The following SLC6A15 variants were observed in gnomAD, a reference collection of about 807,000 sequenced individuals.
The protein encoded by SLC6A15 is sodium-dependent neutral amino acid transporter B(0)AT2.
Under a neutral mutation model 68.5 loss-of-function variants are expected in SLC6A15, and 33 were observed. The ratio of observed to expected loss-of-function variants is 0.48; its 90% CI spans 0.37 to 0.64. The LOEUF is 0.64. Among genes scored for constraint, SLC6A15 ranks in the 30% least tolerant of loss-of-function variants. The pLI, the probability that SLC6A15 is intolerant of heterozygous loss-of-function variation, is 0.00. For missense variants in SLC6A15, 747 were observed against 874.3 expected (o/e 0.85, Z 1.84); for synonymous variants, 347 against 301.0 (o/e 1.15, Z -1.58).
intron 1 of SLC6A15, among the ~76,000 whole-genome samples, chr12:84,894,613 A>G (rs754236536): frequency 6.6e-6 from 1 of 152,272 alleles, no homozygotes; most frequent in Admixed American, 6.5e-5. Context: ...GGAAAATACT[A>G]TATCTCTTCT....
intron 8 of SLC6A15, among the ~76,000 whole-genome samples, chr12:84,871,330 G>A (rs886770138): frequency 6.7e-6 from 1 of 150,358 alleles, no homozygotes; most frequent in African/African-American, 2.4e-5. Flanking sequence ...AAAAAAGTTG[G>A]GCTGATATAC....
At chr12:84,884,146 G>C in intron 4 of SLC6A15, 106 bp from the exon 5 acceptor site, 2 of 870,476 alleles carry the variant, frequency 2.3e-6, no homozygotes, top group Non-Finnish European at 3.6e-6. Context: ...TCCTAGAAAA[G>C]TACTACCATT....
intron 1 of SLC6A15, among the ~76,000 whole-genome samples, chr12:84,897,862 G>C (rs1233064772): frequency 6.6e-6 from 1 of 152,136 alleles, no homozygotes; most frequent in Non-Finnish European, 1.5e-5. Flanking sequence ...GAGGAGCCAT[G>C]TTGAAGAATA....
intron 2 of SLC6A15, among the ~76,000 whole-genome samples, chr12:84,890,176 T>A (rs1872322767): frequency 6.6e-6 from 1 of 152,214 alleles, no homozygotes; most frequent in South Asian, 2.1e-4. Context: ...TGCTTTCTAG[T>A]ATTTCCATTT....
intron 1 of SLC6A15, among the ~76,000 whole-genome samples, chr12:84,895,911 A>C (rs1001947028): frequency 2.6e-5 from 4 of 152,182 alleles, no homozygotes; most frequent in African/African-American, 7.2e-5. Context: ...ATAGACAAAA[A>C]AGAAAATCAA....
At chr12:84,865,814 T>C (rs1460259604) in intron 10 of SLC6A15, among the ~76,000 whole-genome samples, 1 of 152,206 alleles carries the variant, frequency 6.6e-6, no homozygotes, top group Non-Finnish European at 1.5e-5. Context: ...TCTGGATGTA[T>C]GACAATTTAT....
intron 6 of SLC6A15, among the ~76,000 whole-genome samples, chr12:84,875,235 G>T (rs1229321743): frequency 6.6e-6 from 1 of 151,744 alleles, no homozygotes; most frequent in African/African-American, 2.4e-5. Flanking sequence ...TGGTCATTAA[G>T]TGTGGCCCAT....
chr12:84,889,070 A>C (rs1417268716), intron 2 of SLC6A15, among the ~76,000 whole-genome samples: 1 of 152,194 alleles, frequency 6.6e-6, no homozygotes, highest in Non-Finnish European at 1.5e-5. Context: ...TGCCACTCAG[A>C]GAGGCCAAGA....
At chr12:84,882,567 A>G in intron 5 of SLC6A15, 1 of 646,492 alleles carries the variant, frequency 1.5e-6, no homozygotes, top group Non-Finnish European at 1.9e-6. Flanking sequence ...CTGCCCTAAA[A>G]GAGTTGACTA....
At position 84,861,464 on chromosome 12, in the gene SLC6A15, T is replaced by A. The variant is rs112756234; in HGVS notation, c.*168A>T. The stretch of plus-strand genomic sequence containing the variant: ...TTCTGCACAAATGTAAACCAAAGAA[T>A]CCAAAAGAATGCTCAAGTTGAACTG... On this transcript the variant is annotated 3_prime_UTR_variant, in exon 12 of 12. Transcript: ENST00000266682. The A allele has an allele frequency of 1.4e-6, 1 of 693,962 alleles. No homozygotes were observed. The highest frequency in any genetic ancestry group is 2.7e-5 in the Admixed American group (1 of 36,836). 43.0% of individuals were successfully genotyped at this position (693,962 alleles called of 1,614,324 possible).
At chr12:84,862,673 T>G (rs1469615045) in intron 11 of SLC6A15, among the ~76,000 whole-genome samples, 1 of 152,218 alleles carries the variant, frequency 6.6e-6, no homozygotes, top group Non-Finnish European at 1.5e-5. Flanking sequence ...TTATTGCTAA[T>G]ATAAAAATTA....
intron 9 of SLC6A15, 54 bp from the exon 10 acceptor site, chr12:84,867,247 T>C (rs1212972760): frequency 2.9e-6 from 4 of 1,360,526 alleles, no homozygotes; most frequent in Middle Eastern, 4.2e-4. Context: ...ACAAGGCCTT[T>C]AAACTTTATT....
intron 8 of SLC6A15, among the ~76,000 whole-genome samples, chr12:84,871,894 T>C (rs1245424866): frequency 6.6e-6 from 1 of 152,188 alleles, no homozygotes; most frequent in South Asian, 2.1e-4. Context: ...GGCTGAGGCC[T>C]GTAATCACAG....
intron 1 of SLC6A15, among the ~76,000 whole-genome samples, chr12:84,902,657 T>G (rs1057258679): frequency 2.0e-5 from 3 of 151,984 alleles, no homozygotes; most frequent in Non-Finnish European, 4.4e-5. Flanking sequence ...GAACCACTAC[T>G]CAGCAGTAAA....
At chr12:84,908,152 T>G (rs984386614) in intron 1 of SLC6A15, among the ~76,000 whole-genome samples, 4 of 152,128 alleles carry the variant, frequency 2.6e-5, no homozygotes, top group African/African-American at 9.7e-5. Context: ...GAAGGTTTAA[T>G]ATAGTTATTA....
intron 1 of SLC6A15, among the ~76,000 whole-genome samples, chr12:84,898,368 T>G (rs1429850295): frequency 6.6e-6 from 1 of 152,016 alleles, no homozygotes; most frequent in Non-Finnish European, 1.5e-5. Flanking sequence ...AAAAAACAAC[T>G]TATTATATAA....
At chr12:84,902,483 C>G (rs1872929713) in intron 1 of SLC6A15, among the ~76,000 whole-genome samples, 1 of 151,596 alleles carries the variant, frequency 6.6e-6, no homozygotes, top group Admixed American at 6.6e-5. Context: ...CTCATAGTAA[C>G]CAGCAACTAT....
At position 84,876,640 on chromosome 12, in the gene SLC6A15, T is replaced by C. The variant is rs769389719; in HGVS notation, c.757-33A>G. The C allele has an allele frequency of 1.3e-5, 13 of 1,022,540 alleles. No homozygotes were observed. The East Asian group carries it at 3.3e-4, about 26-fold the overall frequency. 63.3% of individuals were successfully genotyped at this position (1,022,540 alleles called of 1,614,324 possible). On this transcript the variant is annotated intron_variant, in intron 5 of 11. Coordinates refer to ENST00000266682, the MANE Select transcript of SLC6A15 (RefSeq NM_182767.6). ...GAAATAAAAATAAAAATAAGTGAGA[T>C]ACAATGACCATTTTTTTATAGATAA...
intron 1 of SLC6A15, among the ~76,000 whole-genome samples, chr12:84,896,116 TAGAC>T (rs1345907805): frequency 2.0e-5 from 3 of 152,124 alleles, no homozygotes; most frequent in Non-Finnish European, 4.4e-5. Context: ...ATTCTTGTGA[TAGAC>T]AATCAACTAA....
Sources: gnomAD v4.1 joint callset for allele counts (sites outside exome capture counted in the v4.1 genomes callset) on GRCh38, gnomAD v4.1.1 for gene constraint, MANE v1.5 for transcripts, NCBI Gene and HGNC (gene_info 2026-07-23, HGNC 2026-07-21) for gene names.